Variants in HECW1 observed in about 807,000 individuals in gnomAD.
HECW1 encodes E3 ubiquitin-protein ligase HECW1.
Under a neutral mutation model 182.3 loss-of-function variants are expected in HECW1, and 61 were observed. The observed-to-expected ratio is 0.33, with a 90% CI of 0.27 to 0.41. The LOEUF (loss-of-function observed/expected upper bound fraction) is 0.41. Among genes scored for constraint, HECW1 ranks in the 10% least tolerant of loss-of-function variants. The pLI is 1.00. For synonymous variants in HECW1, 859 were observed against 832.6 expected, an observed-to-expected ratio of 1.03 and a Z score of -0.55; for missense variants, 1,739 against 2,108.9, an observed-to-expected ratio of 0.82 and a Z score of 3.44.
chr7:43,154,442 A>G (rs1272664854), intron 2 of HECW1, among the ~76,000 whole-genome samples: 5 of 152,144 alleles, frequency 3.3e-5, no homozygotes, highest in Non-Finnish European at 7.4e-5. Flanking sequence ...AAATCTCCCC[A>G]GGTTAGTTGC....
chr7:43,434,841 G>A (rs939982466), intron 8 of HECW1, among the ~76,000 whole-genome samples: 3 of 152,306 alleles, frequency 2.0e-5, no homozygotes, highest in South Asian at 4.1e-4. Flanking sequence ...AGTGTCCCAT[G>A]TAGGCTACTG....
chr7:43,412,818 G>A (rs1410177589), intron 8 of HECW1, among the ~76,000 whole-genome samples: 2 of 151,144 alleles, frequency 1.3e-5, no homozygotes, highest in East Asian at 2.0e-4. Context: ...ATTCCATGGT[G>A]TATAAGTGCC....
Position 43,466,464 on chromosome 7 carries a change from T to A in HECW1, c.2809T>A (p.Ser937Thr). ...TTTTTCAGATCTAAGGAGAGAAGGG[T>A]CACTTTCTCCAGTGAACTCACAAAA... The part of the protein sequence containing the change: ...QSSLDLRREG[S>T]LSPVNSQKIT... The change falls in exon 15 of 30, where the codon TCA (serine) becomes ACA (threonine). Residue 937 changes from serine (S) to threonine (T), a missense_variant. Transcript: ENST00000395891. The A allele has an allele frequency of 6.2e-7, 1 of 1,613,300 alleles. No individual in the cohort carries two copies. The highest frequency in any genetic ancestry group is 1.1e-5 in the South Asian group (1 of 91,036).
chr7:43,212,047 C>A (rs1796049092), intron 2 of HECW1, among the ~76,000 whole-genome samples: 1 of 152,184 alleles, frequency 6.6e-6, no homozygotes. Flanking sequence ...TTGGAAACAA[C>A]CCCTACCCAT....
At chr7:43,199,146 G>A (rs1279936829) in intron 2 of HECW1, among the ~76,000 whole-genome samples, 3 of 152,246 alleles carry the variant, frequency 2.0e-5, no homozygotes, top group African/African-American at 7.2e-5. Flanking sequence ...CTCCCGCTCA[G>A]GGAACAGCCT....
chr7:43,450,315 T>G (rs1220035517), intron 11 of HECW1, among the ~76,000 whole-genome samples: 1 of 152,092 alleles, frequency 6.6e-6, no homozygotes, highest in Non-Finnish European at 1.5e-5. Flanking sequence ...CCTTGACCTG[T>G]CTTGGTACCA....
chr7:43,428,734 T>C (rs1447697463), intron 8 of HECW1, among the ~76,000 whole-genome samples: 2 of 152,208 alleles, frequency 1.3e-5, no homozygotes, highest in East Asian at 3.8e-4. Context: ...TTCTTCCTTC[T>C]GTGTTCTGGG....
At chr7:43,199,910 GA>G (rs1309884893) in intron 2 of HECW1, among the ~76,000 whole-genome samples, 1 of 152,124 alleles carries the variant, frequency 6.6e-6, no homozygotes, top group Non-Finnish European at 1.5e-5. Flanking sequence ...TGTAAGTACT[GA>G]GGGCAATTTT....
intron 5 of HECW1, among the ~76,000 whole-genome samples, chr7:43,333,574 A>G (rs1036864920): frequency 2.6e-5 from 4 of 152,194 alleles, no homozygotes; most frequent in Non-Finnish European, 5.9e-5. Context: ...TGCTAGTAGC[A>G]TTTCCCCTTA....
chr7:43,377,262 T>G (rs1334619127), intron 6 of HECW1, among the ~76,000 whole-genome samples: 1 of 152,192 alleles, frequency 6.6e-6, no homozygotes, highest in Non-Finnish European at 1.5e-5. Flanking sequence ...CTTTTTACCC[T>G]TCTTGCTCTA....
At chr7:43,287,407 C>T (rs1389478285) in intron 3 of HECW1, among the ~76,000 whole-genome samples, 1 of 152,058 alleles carries the variant, frequency 6.6e-6, no homozygotes, top group African/African-American at 2.4e-5. Flanking sequence ...GCCAGGAGTC[C>T]AGGGTTGCTG....
rs546471717 is a variant in HECW1 at position 43,269,907 on chromosome 7, C to G, written c.27+25975C>G. On this transcript the variant is annotated intron_variant, in intron 3 of 29. Transcript: ENST00000395891. ...GCTAGAAACCCTGCAATGCATGGGACAACCGCCATAACAAAGAATTATCTG... is the reference window on the plus strand; with the variant it reads ...GCTAGAAACCCTGCAATGCATGGGAGAACCGCCATAACAAAGAATTATCTG... Among the ~76,000 whole-genome samples the G allele has an allele frequency of 1.1e-4, 16 of 152,234 alleles. 1 individual carries two copies. The highest frequency in any genetic ancestry group is 3.9e-4 in the African/African-American group (16 of 41,532).
intron 2 of HECW1, among the ~76,000 whole-genome samples, chr7:43,218,909 A>T (rs2152701297): frequency 6.6e-6 from 1 of 152,248 alleles, no homozygotes; most frequent in East Asian, 1.9e-4. Flanking sequence ...AAGAAGGAAG[A>T]AGCTCCCCTG....
intron 24 of HECW1, among the ~76,000 whole-genome samples, chr7:43,532,447 A>C (rs1236324462): frequency 6.6e-6 from 1 of 152,168 alleles, no homozygotes; most frequent in South Asian, 2.1e-4. Flanking sequence ...ATGGATTCCC[A>C]TCATACTTAG....
chr7:43,253,374 C>T (rs1421763564), intron 3 of HECW1, among the ~76,000 whole-genome samples: 3 of 152,228 alleles, frequency 2.0e-5, no homozygotes, highest in East Asian at 1.9e-4. Flanking sequence ...GTGGTGATGG[C>T]GAGGATGCAG....
rs183472350 is a variant in HECW1, at chr7:43,203,265, G to A, written c.-31-40610G>A. On this transcript the variant is annotated intron_variant, in intron 2 of 29. Transcript: ENST00000395891. ...TTGTGATAGCTGCAACATGCTACAG[G>A]AAGTTGATGTTCCCTAACTTATTGA... is the stretch of plus-strand genomic sequence containing the variant. 1.7e-3 allele frequency among the ~76,000 whole-genome samples: 263 copies of A among 152,260 alleles called. 1 individual carries two copies. Among genetic ancestry groups the A allele is most frequent in the Middle Eastern group, 0.014 (4 of 294 alleles).
intron 24 of HECW1, among the ~76,000 whole-genome samples, chr7:43,516,121 A>G (rs1188607853): frequency 1.3e-5 from 2 of 152,358 alleles, no homozygotes; most frequent in African/African-American, 4.8e-5. Flanking sequence ...ATTTATCACT[A>G]TAAAAAGTAT....
At chr7:43,429,492 G>T (rs140110354) in intron 8 of HECW1, among the ~76,000 whole-genome samples, 1 of 151,644 alleles carries the variant, frequency 6.6e-6, no homozygotes, top group Non-Finnish European at 1.5e-5. Flanking sequence ...AATGTAAAAC[G>T]CTGTTACATT....
chr7:43,267,572 G>A (rs1801937549), intron 3 of HECW1, among the ~76,000 whole-genome samples: 1 of 151,636 alleles, frequency 6.6e-6, no homozygotes, highest in Admixed American at 6.6e-5. Flanking sequence ...CCTAGGGAAA[G>A]AAAAATTAAA....
Sources: allele counts gnomAD v4.1 joint callset (sites outside exome capture counted in the v4.1 genomes callset), GRCh38; gene constraint gnomAD v4.1.1; transcripts MANE v1.5; gene names NCBI Gene and HGNC (gene_info 2026-07-23, HGNC 2026-07-21).